The following CLIC4 variants were observed in gnomAD, a reference collection of about 807,000 sequenced individuals.
CLIC4 encodes CLIC family member 4, also known as chloride intracellular channel protein 4.
CLIC4 carries 13 observed loss-of-function variants against 24.6 expected under a neutral mutation model. That is an observed-to-expected ratio of 0.53 (90% CI 0.34 to 0.84). CLIC4 has a LOEUF of 0.84. CLIC4 is among the 40% of genes least tolerant of loss of function. CLIC4 has a pLI of 0.01. For missense variants in CLIC4, 227 were observed against 301.7 expected, an observed-to-expected ratio of 0.75 and a Z score of 1.83; for synonymous variants, 104 against 111.3, an observed-to-expected ratio of 0.93 and a Z score of 0.41.
At chr1:24,822,324 A>C (rs1639742580) in intron 3 of CLIC4, among the ~76,000 whole-genome samples, 1 of 149,590 alleles carries the variant, frequency 6.7e-6, no homozygotes, top group African/African-American at 2.5e-5. Context: ...TGGTTATTAA[A>C]CTTAATTCAG....
rs1428715597 is a variant in CLIC4, at chr1:24,797,163, A to G, written c.73-579A>G. On this transcript the variant is annotated intron_variant, in intron 1 of 5. Transcript: ENST00000374379. ...GAGATGGGGTTTCACCATATTGGCC[A>G]GGCTGGTCTCAAACTCCTGACCGTG... Among the ~76,000 whole-genome samples, 4 of 151,500 alleles carry G rather than the reference A, an allele frequency of 2.6e-5. No individual in the cohort carries two copies. In the East Asian group the frequency reaches 7.8e-4, roughly 30 times the overall value.
At position 24,840,773 on chromosome 1, in the gene CLIC4, G is replaced by A; in HGVS notation, c.598G>A (p.Val200Met). 1 of 1,603,938 alleles carries A rather than the reference G, an allele frequency of 6.2e-7. No homozygotes were observed. Residue 200 changes from valine (V) to methionine (M), a missense_variant and splice_region_variant, in exon 6 of 6, where the codon GTG becomes ATG. Physicochemically the swap from Val to Met is conservative, Grantham distance 21. Transcript: ENST00000374379. The stretch of plus-strand genomic sequence containing the variant: ...AACTTTTGATCTCTTTGTATTTCAG[G>A]TGGTGGCCAAAAAATATCGCAACTT... ...NLLPKLHIVKVVAKKYRNFDI... is the reference protein window; with the variant it reads ...NLLPKLHIVKMVAKKYRNFDI...
chr1:24,841,132 T>G lies in CLIC4; in HGVS notation c.*195T>G, dbSNP rs943596505. The G allele has an allele frequency of 2.7e-6, 1 of 373,182 alleles. No individual in the cohort carries two copies. Among genetic ancestry groups the G allele is most frequent in the Non-Finnish European group, 4.7e-6 (1 of 214,328 alleles). 23.1% of individuals were successfully genotyped at this position (373,182 alleles called of 1,614,324 possible). A position where few individuals can be genotyped will look rare whatever the true frequency, so the allele number is the denominator to read the frequency against. On this transcript the variant is annotated 3_prime_UTR_variant, in exon 6 of 6. Coordinates refer to ENST00000374379, the MANE Select transcript of CLIC4 (RefSeq NM_013943.3). Reference sequence around the variant, plus strand: ...CTAAGCAGTATTATTTTAAAATCCTTTACCCTGGCTACCTCCCCTACCCGG... The same window carrying G: ...CTAAGCAGTATTATTTTAAAATCCTGTACCCTGGCTACCTCCCCTACCCGG...
intron 1 of CLIC4, among the ~76,000 whole-genome samples, chr1:24,785,202 A>G (rs1338792438): frequency 6.6e-6 from 1 of 151,766 alleles, no homozygotes; most frequent in African/African-American, 2.4e-5. Flanking sequence ...AAAGCAATCT[A>G]GGGATTCTAA....
chr1:24,770,695 TCTTGAC>T (rs997756142), intron 1 of CLIC4, among the ~76,000 whole-genome samples: 4 of 151,618 alleles, frequency 2.6e-5, no homozygotes, highest in African/African-American at 9.7e-5. Flanking sequence ...TTCTTTAATT[TCTTGAC>T]CTTGTCATTT....
chr1:24,806,180 G>A (rs913422392), intron 2 of CLIC4, among the ~76,000 whole-genome samples: 5 of 152,150 alleles, frequency 3.3e-5, no homozygotes, highest in African/African-American at 1.2e-4. Flanking sequence ...TATTGGCTCA[G>A]TTTCATTTAT....
chr1:24,746,386 T>C (rs1300123791), intron 1 of CLIC4, among the ~76,000 whole-genome samples: 1 of 152,200 alleles, frequency 6.6e-6, no homozygotes, highest in African/African-American at 2.4e-5. Context: ...CTTAACTTGC[T>C]TGGGCTTTAA....
chr1:24,758,422 A>G (rs575045417), intron 1 of CLIC4, among the ~76,000 whole-genome samples: 54 of 151,440 alleles, frequency 3.6e-4, no homozygotes, highest in African/African-American at 1.3e-3. Context: ...CAGCCTCCCA[A>G]GTAGCTGGGA....
chr1:24,790,132 C>T (rs1300154932), intron 1 of CLIC4, among the ~76,000 whole-genome samples: 7 of 152,210 alleles, frequency 4.6e-5, no homozygotes, highest in African/African-American at 7.2e-5. Flanking sequence ...AGCGCAGTGG[C>T]GCGATCTCAG....
At chr1:24,766,010 T>G (rs1487884918) in intron 1 of CLIC4, among the ~76,000 whole-genome samples, 1 of 150,452 alleles carries the variant, frequency 6.6e-6, no homozygotes, top group Admixed American at 6.6e-5. Flanking sequence ...TTAATTTTAG[T>G]TTTTTTTCTT....
intron 1 of CLIC4, among the ~76,000 whole-genome samples, chr1:24,771,405 G>A (rs1639069420): frequency 1.3e-5 from 2 of 152,102 alleles, no homozygotes; most frequent in African/African-American, 4.8e-5. Context: ...TTCCAGGCTA[G>A]AATGTAAATT....
intron 1 of CLIC4, among the ~76,000 whole-genome samples, chr1:24,796,439 G>A (rs1639403225): frequency 6.6e-6 from 1 of 152,014 alleles, no homozygotes; most frequent in African/African-American, 2.4e-5. Flanking sequence ...TGCCCTCCTC[G>A]GCCTCCCAAA....
rs76588262 is a variant in CLIC4 at position 24,837,757 on chromosome 1, C to T, written c.416-2103C>T. ...GGCCGGTTGCAGTGACTCACACCTGCAATCCCAGCACTTTGGGAGGACCAG... is the reference window on the plus strand; with the variant it reads ...GGCCGGTTGCAGTGACTCACACCTGTAATCCCAGCACTTTGGGAGGACCAG... On this transcript the variant is annotated intron_variant, in intron 4 of 5. Coordinates refer to ENST00000374379, the MANE Select transcript of CLIC4 (RefSeq NM_013943.3). Among the ~76,000 whole-genome samples, 349 of 152,260 alleles carry T rather than the reference C, an allele frequency of 2.3e-3. 2 individuals carry two copies. The highest frequency in any genetic ancestry group is 0.016 in the Admixed American group (238 of 15,292).
chr1:24,837,875 C>T (rs1449178801), intron 4 of CLIC4, among the ~76,000 whole-genome samples: 1 of 152,182 alleles, frequency 6.6e-6, no homozygotes, highest in Admixed American at 6.5e-5. Context: ...CCTACCTATC[C>T]TTTAAATGAT....
Position 24,775,808 on chromosome 1 carries a change from A to G in CLIC4, c.73-21934A>G, listed in dbSNP as rs191542135. ...CAAACTGTAGAATCTGGGTCATCTT[A>G]GGGTAGTCTCCTTGATTACTTTTTT... On this transcript the variant is annotated intron_variant, in intron 1 of 5. Coordinates refer to ENST00000374379, the MANE Select transcript of CLIC4 (RefSeq NM_013943.3). Among the ~76,000 whole-genome samples, 167 of 148,442 alleles carry G rather than the reference A, an allele frequency of 1.1e-3. No homozygotes were observed. The East Asian group carries it at 0.027, about 24-fold the overall frequency.
intron 1 of CLIC4, among the ~76,000 whole-genome samples, chr1:24,786,775 A>G (rs921227624): frequency 4.0e-5 from 6 of 151,224 alleles, no homozygotes; most frequent in South Asian, 4.2e-4. Flanking sequence ...CCACCACCAC[A>G]CCCGGCTAAT....
chr1:24,764,377 G>T (rs1336948619), intron 1 of CLIC4, among the ~76,000 whole-genome samples: 1 of 151,664 alleles, frequency 6.6e-6, no homozygotes, highest in Non-Finnish European at 1.5e-5. Context: ...TGGGATTACA[G>T]GTGTGAGCCA....
chr1:24,782,907 G>A (rs750847313), intron 1 of CLIC4, among the ~76,000 whole-genome samples: 4 of 152,212 alleles, frequency 2.6e-5, no homozygotes, highest in Non-Finnish European at 4.4e-5. Flanking sequence ...ACAGCCTGGA[G>A]AGTTCAAGGC....
intron 4 of CLIC4, among the ~76,000 whole-genome samples, chr1:24,829,066 C>T (rs985267584): frequency 6.6e-6 from 1 of 152,118 alleles, no homozygotes; most frequent in South Asian, 2.1e-4. Context: ...CTTTAGTAGT[C>T]CTAGGAAATT....
Sources: gnomAD v4.1 joint callset for allele counts (sites outside exome capture counted in the v4.1 genomes callset) on GRCh38, gnomAD v4.1.1 for gene constraint, MANE v1.5 for transcripts, NCBI Gene and HGNC (gene_info 2026-07-23, HGNC 2026-07-21) for gene names.